TJP3: variants seen among roughly 807,000 people sequenced by gnomAD.
The protein encoded by TJP3 is tight junction protein ZO-3.
Under a neutral mutation model 104.2 loss-of-function variants are expected in TJP3, and 85 were observed. The observed-to-expected ratio is 0.82, with a 90% CI of 0.68 to 0.98. The LOEUF is 0.98. Ranked by LOEUF, TJP3 falls within the 50% of genes least tolerant of loss-of-function variation. TJP3 has a pLI of 0.00. For synonymous variants in TJP3, 550 were observed against 550.6 expected, an observed-to-expected ratio of 1.00 and a Z score of 0.02; for missense variants, 1,367 against 1,322.8, an observed-to-expected ratio of 1.03 and a Z score of -0.52.
intron 1 of TJP3, among the ~76,000 whole-genome samples, chr19:3,714,116 T>C (rs1339190891): frequency 6.6e-6 from 1 of 151,932 alleles, no homozygotes; most frequent in African/African-American, 2.4e-5. Context: ...AGTGGCGCAA[T>C]CTTGGCTCAC....
intron 1 of TJP3, among the ~76,000 whole-genome samples, chr19:3,713,547 C>A (rs1266573865): frequency 6.6e-6 from 1 of 152,050 alleles, no homozygotes; most frequent in African/African-American, 2.4e-5. Context: ...TGCGGAGAGA[C>A]GTGAATAAAG....
chr19:3,734,048 A>C, intron 7 of TJP3, 136 bp downstream of exon 7: 3 of 1,213,254 alleles, frequency 2.5e-6, no homozygotes, highest in Non-Finnish European at 3.4e-6. Flanking sequence ...GCTGAAGGCC[A>C]CACAGCAAGT....
chr19:3,739,264 G>A lies in TJP3; in HGVS notation c.1631+130G>A, dbSNP rs143284346. The A allele has an allele frequency of 0.019, 14,285 of 763,146 alleles. 183 individuals carry two copies. The highest frequency in any genetic ancestry group is 0.021 in the Non-Finnish European group (10,569 of 500,956). 47.3% of individuals were successfully genotyped at this position (763,146 alleles called of 1,614,324 possible). A position where few individuals can be genotyped will look rare whatever the true frequency, so the allele number is the denominator to read the frequency against. On this transcript the variant is annotated intron_variant, in intron 13 of 20. Transcript: ENST00000541714. Reference sequence around the variant, plus strand: ...CCTGGCACTTTGGGAGGCTGAAGTGGGCAGATCATGAGGTCAAGAGATCGA... The same window carrying A: ...CCTGGCACTTTGGGAGGCTGAAGTGAGCAGATCATGAGGTCAAGAGATCGA...
At chr19:3,727,095 T>C (rs1349430536) in intron 1 of TJP3, among the ~76,000 whole-genome samples, 1 of 144,716 alleles carries the variant, frequency 6.9e-6, no homozygotes, top group South Asian at 2.2e-4. Flanking sequence ...AAAAAAAAAG[T>C]GTGGGAGGGG....
At chr19:3,726,598 T>G (rs8106829) in intron 1 of TJP3, among the ~76,000 whole-genome samples, 191 of 151,558 alleles carry the variant, frequency 1.3e-3, no homozygotes, top group African/African-American at 4.4e-3. Flanking sequence ...TTTTTGTTTT[T>G]TTTTTTTCTA....
intron 1 of TJP3, among the ~76,000 whole-genome samples, chr19:3,720,690 G>A (rs2036532899): frequency 6.6e-6 from 1 of 151,882 alleles, no homozygotes; most frequent in Non-Finnish European, 1.5e-5. Flanking sequence ...TGACTTGAAG[G>A]TTTCCTACCC....
intron 19 of TJP3, chr19:3,749,816 T>A: frequency 2.4e-6 from 1 of 419,376 alleles, no homozygotes; most frequent in South Asian, 3.3e-5. Context: ...CAACTGTCCA[T>A]GGCAGGCTGC....
At chr19:3,717,973 A>G (rs1002573282) in intron 1 of TJP3, among the ~76,000 whole-genome samples, 7 of 149,886 alleles carry the variant, frequency 4.7e-5, no homozygotes, top group African/African-American at 1.5e-4. Context: ...CCCAGCACTT[A>G]GGGAGGCCGA....
At position 3,746,974 on chromosome 19, in the gene TJP3, T is replaced by TCAGG. The variant is rs2036905214; in HGVS notation, c.2322+99_2322+102dup. ...GCCTCTGTCGGGAGTTAGGGCTTGG[T>TCAGG]CAGGGATCAGGACTGTGGCCAGAGT... On this transcript the variant is annotated intron_variant, in intron 18 of 20. Transcript: ENST00000541714. The surrounding 1 kb of genome is among the most constrained non-coding windows in gnomAD (Gnocchi z 4.1). 5.1e-6 allele frequency: 6 copies of TCAGG among 1,178,956 alleles called. No homozygotes were observed. The highest frequency in any genetic ancestry group is 7.3e-6 in the Non-Finnish European group (6 of 821,686). The allele number at this position is 1,178,956 out of a possible 1,614,324, so 73.0% of individuals were successfully genotyped here.
chr19:3,733,741 GGTCC>G lies in TJP3; in HGVS notation c.718-11_718-8del. 6.2e-7 allele frequency: 1 copy of G among 1,613,788 alleles called. No individual in the cohort carries two copies. The highest frequency in any genetic ancestry group is 8.5e-7 in the Non-Finnish European group (1 of 1,179,754). On this transcript the variant is annotated splice_polypyrimidine_tract_variant and splice_region_variant and intron_variant, in intron 6 of 20. Coordinates refer to ENST00000541714, the MANE Select transcript of TJP3 (RefSeq NM_001267560.2). ...AACTCACTTCCGCTCTTTCATTCCT[GGTCC>G]CTTTCAGATCAACGGGGTGTCTAGC...
chr19:3,723,939 G>T (rs2036570416), intron 1 of TJP3, among the ~76,000 whole-genome samples: 1 of 151,918 alleles, frequency 6.6e-6, no homozygotes, highest in African/African-American at 2.4e-5. Flanking sequence ...TCAGTGGCAG[G>T]GGCCAGCCAG....
In TJP3 at chr19:3,708,841, C is replaced by A. The variant is rs558229362; in HGVS notation, c.-10+280C>A. Among the ~76,000 whole-genome samples, 13 of 152,224 alleles carry A rather than the reference C, an allele frequency of 8.5e-5. No homozygotes were observed. The South Asian group carries it at 2.7e-3, about 32-fold the overall frequency. ...CTAGGTGGCGCAGGGACCGGGGAGG[C>A]GGCAAAGGGGCACAGGTTGGTCTCT... is the stretch of plus-strand genomic sequence containing the variant. On this transcript the variant is annotated intron_variant, in intron 1 of 20. Transcript: ENST00000541714.
In TJP3 at chr19:3,746,766, C is replaced by T. The variant is rs1235087667; in HGVS notation, c.2222-10C>T. On this transcript the variant is annotated splice_polypyrimidine_tract_variant and intron_variant, in intron 17 of 20. Transcript: ENST00000541714. This position sits in a 1 kb window ranked among gnomAD's most constrained non-coding sequence, Gnocchi z 4.1. ...AGTCTCCTGCACACACTGACGTCCC[C>T]TCCCTGCAGCCACCATCCCTCTGAA... The T allele has an allele frequency of 6.2e-7, 1 of 1,604,886 alleles. No individual in the cohort carries two copies. Among genetic ancestry groups the T allele is most frequent in the African/African-American group, 1.3e-5 (1 of 74,828 alleles).
At position 3,746,872 on chromosome 19, in the gene TJP3, A is replaced by G; in HGVS notation, c.2318A>G (p.Asp773Gly). 1 of 1,603,692 alleles carries G rather than the reference A, an allele frequency of 6.2e-7. No individual in the cohort carries two copies. ...QQTRPIWTAE[D>G]QLDGSLEDNL... The stretch of plus-strand genomic sequence containing the variant: ...ACGCGGCCCATCTGGACGGCGGAAG[A>G]TCAGGTACTGCCGCGGTGTGGGTGG... Residue 773 changes from aspartate (D) to glycine (G), a missense_variant, in exon 18 of 21, where the codon GAT (aspartate) becomes GGT (glycine). By Grantham distance (94) the Asp-to-Gly change is moderately conservative. Coordinates refer to ENST00000541714, the MANE Select transcript of TJP3 (RefSeq NM_001267560.2). This position sits in a 1 kb window ranked among gnomAD's most constrained non-coding sequence, Gnocchi z 4.1.
chr19:3,747,130 A>G (rs2036907663), intron 18 of TJP3, among the ~76,000 whole-genome samples: 1 of 151,926 alleles, frequency 6.6e-6, no homozygotes, highest in South Asian at 2.1e-4. Flanking sequence ...GTGTGATCTC[A>G]GCTTGCTGCA....
chr19:3,750,547 C>T (rs993731002), intron 20 of TJP3, 35 bp from the exon 21 acceptor site: 2 of 1,535,646 alleles, frequency 1.3e-6, no homozygotes, highest in Admixed American at 3.8e-5. Context: ...ACACCCTTCC[C>T]ACCCACAGCA....
In TJP3 at chr19:3,728,723, C is replaced by T; in HGVS notation, c.158+10C>T. On this transcript the variant is annotated intron_variant, in intron 3 of 20. Transcript: ENST00000541714. ...CGGAGGGCAGGCTACAGTGAGTATC[C>T]AGGCAGCTGGGTTCTGGCGGGGGAG... The T allele has an allele frequency of 6.2e-7, 1 of 1,612,660 alleles. No homozygotes were observed.
intron 1 of TJP3, among the ~76,000 whole-genome samples, chr19:3,723,808 A>AT (rs1555737859): frequency 0.016 from 2,038 of 128,888 alleles, 25 homozygotes; most frequent in East Asian, 0.02. Flanking sequence ...AAAAAAAAAA[A>AT]ATATATATAT....
chr19:3,734,047 CACA>C, intron 7 of TJP3, 135 bp downstream of exon 7: 1 of 1,232,088 alleles, frequency 8.1e-7, no homozygotes, highest in Non-Finnish European at 1.1e-6. Context: ...TGCTGAAGGC[CACA>C]CAGCAAGTCA....
Sources: gnomAD v4.1 joint callset for allele counts (sites outside exome capture counted in the v4.1 genomes callset) on GRCh38, gnomAD v4.1.1 for gene constraint, Gnocchi (gnomAD v3.1) non-coding constraint, MANE v1.5 for transcripts, NCBI Gene and HGNC (gene_info 2026-07-23, HGNC 2026-07-21) for gene names.